The following SPATC1 variants were observed in gnomAD, a reference collection of about 807,000 sequenced individuals.
SPATC1 encodes the protein speriolin.
SPATC1 carries 35 observed loss-of-function variants against 36.5 expected under a neutral mutation model. That is an observed-to-expected ratio of 0.96 (90% CI 0.73 to 1.27). The LOEUF is 1.27. Ranked by LOEUF, SPATC1 falls within the 50% of genes most tolerant of loss-of-function variation. The pLI is 0.00. For missense variants in SPATC1, 779 were observed against 796.0 expected (o/e 0.98, Z 0.26); for synonymous variants, 361 against 353.6 (o/e 1.02, Z -0.24).
chr8:144,037,957 G>T (rs1200162711), intron 1 of SPATC1, among the ~76,000 whole-genome samples: 1 of 151,562 alleles, frequency 6.6e-6, no homozygotes, highest in Admixed American at 6.6e-5. Flanking sequence ...GTGAAACCCT[G>T]TCTCTCCTAA....
chr8:144,021,336 G>C (rs1322687980), intron 1 of SPATC1, among the ~76,000 whole-genome samples: 2,147 of 7,538 alleles, frequency 0.28, 416 homozygotes, highest in African/African-American at 0.54. Flanking sequence ...TCATGACCCA[G>C]TTTCTCCCCT....
chr8:144,037,511 A>G (rs1335005070), intron 1 of SPATC1, among the ~76,000 whole-genome samples: 2 of 152,086 alleles, frequency 1.3e-5, no homozygotes, highest in Admixed American at 6.5e-5. Context: ...CCTTACCCCC[A>G]ACCCTGTGCT....
At chr8:144,023,859 T>C (rs1162349031) in intron 1 of SPATC1, among the ~76,000 whole-genome samples, 1 of 143,786 alleles carries the variant, frequency 7.0e-6, no homozygotes, top group Non-Finnish European at 1.5e-5. Flanking sequence ...GAGGACACTC[T>C]CTCTTCAAGA....
rs1475095587 is a variant in SPATC1 at position 144,042,284 on chromosome 8, A to AACATATAT, written c.1446+914_1446+915insCATATATA. On this transcript the variant is annotated intron_variant, in intron 4 of 4. Coordinates refer to ENST00000377470, the MANE Select transcript of SPATC1 (RefSeq NM_198572.3). ...CAGGTTTACGCCACCACGCCCAGCT[A>AACATATAT]ATATATATATATATATATATATATA... Among the ~76,000 whole-genome samples the AACATATAT allele has an allele frequency of 3.4e-3, 124 of 36,292 alleles. 7 individuals carry two copies. The highest frequency in any genetic ancestry group is 0.023 in the Middle Eastern group (1 of 44). The allele number at this position is 36,292 out of a possible 152,430, so 23.8% of individuals were successfully genotyped here. A position where few individuals can be genotyped will look rare whatever the true frequency, so the allele number is the denominator to read the frequency against.
intron 1 of SPATC1, among the ~76,000 whole-genome samples, chr8:144,033,644 G>A (rs1171253931): frequency 2.0e-5 from 3 of 152,152 alleles, no homozygotes; most frequent in African/African-American, 7.2e-5. Context: ...GAGTCCAAAG[G>A]GAAAGACAAA....
At chr8:144,042,320 T>A (rs1225941170) in intron 4 of SPATC1, among the ~76,000 whole-genome samples, 159 of 115,880 alleles carry the variant, frequency 1.4e-3, no homozygotes, top group African/African-American at 5.6e-3. Context: ...TATTTTTTTT[T>A]TTTTTTTTTT....
chr8:144,017,671 C>G lies in SPATC1; in HGVS notation c.211+4945C>G, dbSNP rs186910432. On this transcript the variant is annotated intron_variant, in intron 1 of 4. Transcript: ENST00000377470. ...ACAAGAATTTCAAATTCAAATCTGA[C>G]CTTCCAGGTTGTTACAAAGGTTTAT... Among the ~76,000 whole-genome samples, 173 of 152,280 alleles carry G rather than the reference C, an allele frequency of 1.1e-3. 1 individual carries two copies. The highest frequency in any genetic ancestry group is 4.1e-3 in the African/African-American group (170 of 41,536).
At chr8:144,042,043 C>T in intron 4 of SPATC1, 3 of 978,064 alleles carry the variant, frequency 3.1e-6, no homozygotes, top group South Asian at 4.7e-5. Context: ...TACACTCCAG[C>T]CTGGGCAACA....
chr8:144,026,987 C>CTTTTTTTTTTTTTTT (rs1169014232), intron 1 of SPATC1, among the ~76,000 whole-genome samples: 47 of 114,308 alleles, frequency 4.1e-4, no homozygotes, highest in Non-Finnish European at 5.9e-4. Context: ...TTTTTTTTTT[C>CTTTTTTTTTTTTTTT]TTTTTTTTTT....
At chr8:144,025,543 G>A (rs1834659810) in intron 1 of SPATC1, among the ~76,000 whole-genome samples, 5 of 152,168 alleles carry the variant, frequency 3.3e-5, no homozygotes, top group South Asian at 2.1e-4. Flanking sequence ...ATTATCAAAA[G>A]GTTAAGAAAT....
intron 4 of SPATC1, among the ~76,000 whole-genome samples, chr8:144,044,061 C>T (rs1835189367): frequency 6.6e-6 from 1 of 152,220 alleles, no homozygotes; most frequent in Admixed American, 6.5e-5. Context: ...CCACCTTCCC[C>T]CTGCACTCAC....
Position 144,041,024 on chromosome 8 carries a change from C to T in SPATC1, c.1223C>T (p.Thr408Ile). 6.2e-7 allele frequency: 1 copy of T among 1,612,148 alleles called. No individual in the cohort carries two copies. Among genetic ancestry groups the T allele is most frequent in the South Asian group, 1.1e-5 (1 of 90,928 alleles). The change falls in exon 3 of 5, where the codon ACA becomes ATA. Residue 408 changes from threonine to isoleucine, a missense_variant. Physicochemically the swap from Thr to Ile is moderately conservative, Grantham distance 89. Transcript: ENST00000377470. ...SVNDSRGPRT[T>I]EPSTKSMMEV... The stretch of plus-strand genomic sequence containing the variant: ...AATGACTCTCGAGGTCCACGCACCA[C>T]AGAACCGTCGACGAAGAGCATGATG...
At chr8:144,041,130 C>G (rs370343945) in intron 3 of SPATC1, 23 bp downstream of exon 3, 2 of 1,580,970 alleles carry the variant, frequency 1.3e-6, no homozygotes, top group Non-Finnish European at 8.6e-7. Context: ...GCGGGCTCCA[C>G]GCGGGTCGGG....
chr8:144,025,276 G>A (rs1353179684), intron 1 of SPATC1, among the ~76,000 whole-genome samples: 1 of 152,130 alleles, frequency 6.6e-6, no homozygotes, highest in Non-Finnish European at 1.5e-5. Flanking sequence ...TCCTCCCCTT[G>A]GTTTAAGTGA....
intron 4 of SPATC1, among the ~76,000 whole-genome samples, chr8:144,042,968 G>T (rs1362099867): frequency 2.0e-5 from 3 of 151,148 alleles, no homozygotes; most frequent in African/African-American, 7.3e-5. Flanking sequence ...GGGACTACGG[G>T]CATGCACCAA....
chr8:144,045,168 G>A lies in SPATC1; in HGVS notation c.1447-1459G>A, dbSNP rs782050255. 6.6e-6 allele frequency among the ~76,000 whole-genome samples: 1 copy of A among 152,218 alleles called. No individual in the cohort carries two copies. The highest frequency in any genetic ancestry group is 2.4e-5 in the African/African-American group (1 of 41,450). On this transcript the variant is annotated intron_variant, in intron 4 of 4. Coordinates refer to ENST00000377470, the MANE Select transcript of SPATC1 (RefSeq NM_198572.3). The surrounding 1 kb of genome is among the most constrained non-coding windows in gnomAD (Gnocchi z 5.2). ...TGATGCAGAAGCAGCCGTTGAGCAC[G>A]GCTGTCCACGGGCCCTCACTCTTGC...
chr8:144,023,643 A>C lies in SPATC1; in HGVS notation c.211+10917A>C, dbSNP rs1171920886. Among the ~76,000 whole-genome samples the C allele has an allele frequency of 5.9e-4, 15 of 25,594 alleles. 2 individuals carry two copies. Among genetic ancestry groups the C allele is most frequent in the East Asian group, 9.6e-4 (1 of 1,044 alleles). 16.8% of individuals were successfully genotyped at this position (25,594 alleles called of 152,430 possible). A position where few individuals can be genotyped will look rare whatever the true frequency, so the allele number is the denominator to read the frequency against. On this transcript the variant is annotated intron_variant, in intron 1 of 4. Transcript: ENST00000377470. ...CCCTCAGGACCCTCTTCCCTGAGGAACTTCTTCCCTCAGGACCCTCTCCCC... is the reference window on the plus strand; with the variant it reads ...CCCTCAGGACCCTCTTCCCTGAGGACCTTCTTCCCTCAGGACCCTCTCCCC...
At chr8:144,020,303 A>G (rs1052519591) in intron 1 of SPATC1, among the ~76,000 whole-genome samples, 2 of 140,286 alleles carry the variant, frequency 1.4e-5, no homozygotes, top group Non-Finnish European at 3.1e-5. Context: ...CTTCCCTTGG[A>G]AACTTCTCCC....
chr8:144,011,563 G>A (rs951303623), upstream of SPATC1, among the ~76,000 whole-genome samples: 10 of 152,160 alleles, frequency 6.6e-5, no homozygotes, highest in African/African-American at 2.2e-4. This position sits in a 1 kb window ranked among gnomAD's most constrained non-coding sequence, Gnocchi z 4.5. Context: ...TGGAGGCCAC[G>A]AGGACACGGC....
Sources: gnomAD v4.1 joint callset for allele counts (sites outside exome capture counted in the v4.1 genomes callset) on GRCh38, gnomAD v4.1.1 for gene constraint, Gnocchi (gnomAD v3.1) non-coding constraint, MANE v1.5 for transcripts, NCBI Gene and HGNC (gene_info 2026-07-23, HGNC 2026-07-21) for gene names.